Variants in RASGRF1 observed in about 807,000 individuals in gnomAD.
RASGRF1 encodes the protein ras-specific guanine nucleotide-releasing factor 1.
A neutral mutation model predicts 138.7 loss-of-function variants in RASGRF1; 40 were observed. The ratio of observed to expected loss-of-function variants is 0.29; its 90% CI spans 0.22 to 0.38. The LOEUF is 0.38. Ranked by LOEUF, RASGRF1 falls within the 10% of genes least tolerant of loss-of-function variation. The probability of loss-of-function intolerance (pLI) is 1.00; values close to 1 mark genes in which losing one functional copy is unlikely to be tolerated. For missense variants in RASGRF1, 1,108 were observed against 1,650.4 expected (o/e 0.67, Z 5.69); for synonymous variants, 614 against 663.2 (o/e 0.93, Z 1.14).
chr15:79,059,463 C>T (rs542249028), intron 2 of RASGRF1, among the ~76,000 whole-genome samples: 13 of 150,180 alleles, frequency 8.7e-5, no homozygotes, highest in Admixed American at 2.0e-4. Flanking sequence ...TATCCCCCCT[C>T]GTGCAGGTGC....
At chr15:79,056,728 A>G (rs1020645009) in intron 3 of RASGRF1, among the ~76,000 whole-genome samples, 2 of 152,262 alleles carry the variant, frequency 1.3e-5, no homozygotes, top group Middle Eastern at 3.4e-3. Context: ...TTGCAAGTTG[A>G]TATTACTCTT....
chr15:79,049,730 A>T (rs1016092702), intron 3 of RASGRF1, 142 bp from the exon 4 acceptor site: 14 of 660,322 alleles, frequency 2.1e-5, no homozygotes, highest in African/African-American at 3.7e-5. Flanking sequence ...ACAGCTTGTG[A>T]TTCTGACTCT....
Position 79,013,752 on chromosome 15 carries a change from T to C in RASGRF1, c.1826+1575A>G, listed in dbSNP as rs76762700. 6.0e-3 allele frequency among the ~76,000 whole-genome samples: 917 copies of C among 152,214 alleles called. 4 individuals carry two copies. Among genetic ancestry groups the C allele is most frequent in the Non-Finnish European group, 0.011 (723 of 68,002 alleles). ...GTGGTGAGGGGGTTAGGCGTGCAGG[T>C]GACTGCAAGAGAATTGTGCCTGGTG... On this transcript the variant is annotated intron_variant, in intron 13 of 26. Coordinates refer to ENST00000558480, the MANE Select transcript of RASGRF1 (RefSeq NM_001145648.3).
intron 2 of RASGRF1, 92 bp from the exon 3 acceptor site, chr15:79,058,573 C>T (rs538230613): frequency 6.7e-7 from 1 of 1,495,480 alleles, no homozygotes; most frequent in Non-Finnish European, 9.1e-7. Flanking sequence ...GCTCACCCAC[C>T]CACCTGCACT....
rs1218282645 is a variant in RASGRF1 at position 79,073,341 on chromosome 15, C to T, written c.277-8815G>A. 6.6e-6 allele frequency among the ~76,000 whole-genome samples: 1 copy of T among 152,104 alleles called. No individual in the cohort carries two copies. Among genetic ancestry groups the T allele is most frequent in the African/African-American group, 2.4e-5 (1 of 41,400 alleles). On this transcript the variant is annotated intron_variant, in intron 1 of 26. Coordinates refer to ENST00000558480, the MANE Select transcript of RASGRF1 (RefSeq NM_001145648.3). This position sits in a 1 kb window ranked among gnomAD's most constrained non-coding sequence, Gnocchi z 4.2. ...TTCCTGTGGGGAAGCTGGGCTGGGG[C>T]TCTTCCCTTAACTGGACTGGAGCCA...
chr15:79,025,516 T>A, intron 9 of RASGRF1, 42 bp from the exon 10 acceptor site: 1 of 1,582,620 alleles, frequency 6.3e-7, no homozygotes, highest in Non-Finnish European at 8.6e-7. Flanking sequence ...TCTCCTGGGG[T>A]GACCTTTGCC....
chr15:78,974,959 A>G (rs1384877007), intron 24 of RASGRF1, among the ~76,000 whole-genome samples: 1 of 152,278 alleles, frequency 6.6e-6, no homozygotes, highest in Non-Finnish European at 1.5e-5. Flanking sequence ...CAGTTGGCAC[A>G]GTATGGCAAA....
chr15:79,073,771 C>A lies in RASGRF1; in HGVS notation c.277-9245G>T, dbSNP rs1025271347. Among the ~76,000 whole-genome samples the A allele has an allele frequency of 2.8e-4, 42 of 152,182 alleles. No individual in the cohort carries two copies. The highest frequency in any genetic ancestry group is 2.5e-3 in the Admixed American group (38 of 15,274). The stretch of plus-strand genomic sequence containing the variant: ...TCTTGTTCTTCCAAGAATGTCCCAC[C>A]ACCCTTACTGCCATGAGAGTCCTTA... On this transcript the variant is annotated intron_variant, in intron 1 of 26. Coordinates refer to ENST00000558480, the MANE Select transcript of RASGRF1 (RefSeq NM_001145648.3). The surrounding 1 kb of genome is among the most constrained non-coding windows in gnomAD (Gnocchi z 4.2).
At chr15:78,966,217 G>A (rs1318963297) in intron 26 of RASGRF1, among the ~76,000 whole-genome samples, 2 of 143,414 alleles carry the variant, frequency 1.4e-5, no homozygotes, top group Non-Finnish European at 3.0e-5. Flanking sequence ...CAGACCATGA[G>A]GACTTAAATT....
At chr15:79,024,288 T>C (rs1179426037) in intron 10 of RASGRF1, among the ~76,000 whole-genome samples, 1 of 151,040 alleles carries the variant, frequency 6.6e-6, no homozygotes, top group Non-Finnish European at 1.5e-5. Context: ...TATACACACA[T>C]ACATATGCCA....
Position 78,971,895 on chromosome 15 carries a change from TTTG to T in RASGRF1, c.3649_3651del (p.Gln1217del). 6.3e-7 allele frequency: 1 copy of T among 1,591,028 alleles called. No individual in the cohort carries two copies. Among genetic ancestry groups the T allele is most frequent in the South Asian group, 1.1e-5 (1 of 90,546 alleles). On this transcript the variant is annotated inframe_deletion, in exon 26 of 27. Transcript: ENST00000558480. ...GCTTGGTGCTCTATTTTGTAGGCAG[TTTG>T]TTGAAACTGGCGAATCTCTCGGATA...
chr15:79,035,303 C>T (rs1281925871), intron 5 of RASGRF1, 93 bp from the exon 6 acceptor site: 5 of 999,894 alleles, frequency 5.0e-6, no homozygotes, highest in East Asian at 2.6e-5. Flanking sequence ...ACTTCAGCAG[C>T]GAACCCTTTT....
intron 15 of RASGRF1, 125 bp downstream of exon 15, chr15:79,003,677 C>T: frequency 1.4e-6 from 2 of 1,412,304 alleles, no homozygotes; most frequent in South Asian, 2.8e-5. Flanking sequence ...CCTGGTGGGA[C>T]CCCCAAGCCT....
chr15:78,990,041 C>T (rs901818272), intron 22 of RASGRF1, 148 bp downstream of exon 22: 8 of 702,304 alleles, frequency 1.1e-5, no homozygotes, highest in Non-Finnish European at 1.0e-5. Context: ...AGGCAACCAG[C>T]CCGAGGCCAC....
chr15:79,049,450 TAA>T (rs1224272644), intron 4 of RASGRF1, 44 bp downstream of exon 4: 4 of 1,582,042 alleles, frequency 2.5e-6, no homozygotes, highest in Non-Finnish European at 3.5e-6. Flanking sequence ...GCTGGCTCTC[TAA>T]AGAGAGAGCT....
chr15:79,031,612 G>C (rs1196501736), intron 7 of RASGRF1, 103 bp from the exon 8 acceptor site: 2 of 343,966 alleles, frequency 5.8e-6, no homozygotes, highest in Non-Finnish European at 1.1e-5. Flanking sequence ...GAGAGAGAAA[G>C]AGGGAGAGGG....
rs920284484 is a variant in RASGRF1, at chr15:79,050,805, G to A, written c.532-1217C>T. Among the ~76,000 whole-genome samples the A allele has an allele frequency of 1.3e-5, 2 of 152,184 alleles. No homozygotes were observed. The highest frequency in any genetic ancestry group is 4.8e-5 in the African/African-American group (2 of 41,430). On this transcript the variant is annotated intron_variant, in intron 3 of 26. Transcript: ENST00000558480. The surrounding 1 kb of genome is among the most constrained non-coding windows in gnomAD (Gnocchi z 4.1). ...GGGCTCGTCCAACCACTCCAATTCT[G>A]TGAGTCCTTGTTTTGTGTCCTGTAG... is the stretch of plus-strand genomic sequence containing the variant.
At chr15:79,040,858 G>C (rs1386541829) in intron 5 of RASGRF1, among the ~76,000 whole-genome samples, 1 of 152,208 alleles carries the variant, frequency 6.6e-6, no homozygotes, top group Non-Finnish European at 1.5e-5. Flanking sequence ...ATGACCCCTT[G>C]AAGATGGAAT....
intron 22 of RASGRF1, 121 bp from the exon 23 acceptor site, chr15:78,985,325 G>A (rs1462818093): frequency 9.3e-7 from 1 of 1,076,250 alleles, no homozygotes; most frequent in African/African-American, 1.6e-5. Context: ...GGAAAACTAC[G>A]AGAACAACTA....
Sources: gnomAD v4.1 joint callset for allele counts (sites outside exome capture counted in the v4.1 genomes callset) on GRCh38, gnomAD v4.1.1 for gene constraint, Gnocchi (gnomAD v3.1) non-coding constraint, MANE v1.5 for transcripts, NCBI Gene and HGNC (gene_info 2026-07-23, HGNC 2026-07-21) for gene names.